Variants in AFF3 observed in about 807,000 individuals in gnomAD.
AFF3 encodes the protein AF4/FMR2 family member 3.
In AFF3, 32 loss-of-function variants were observed where a neutral mutation model predicts 129.7. That is an observed-to-expected ratio of 0.25 (90% confidence interval 0.19 to 0.33). AFF3 has a LOEUF of 0.33. Ranked by LOEUF, AFF3 falls within the 10% of genes least tolerant of loss-of-function variation. The pLI, the probability that AFF3 is intolerant of heterozygous loss-of-function variation, is 1.00. For synonymous variants in AFF3, 644 were observed against 635.4 expected (o/e 1.01, Z -0.20); for missense variants, 1,373 against 1,592.0 (o/e 0.86, Z 2.34).
chr2:99,720,644 T>C (rs1293782890), intron 11 of AFF3, among the ~76,000 whole-genome samples: 1 of 152,248 alleles, frequency 6.6e-6, no homozygotes, highest in Non-Finnish European at 1.5e-5. Context: ...CAGTTACTAA[T>C]ATGACTGGGT....
rs1015585190 is a variant in AFF3, at chr2:99,877,966, C to G, written c.874-40442G>C. ...TGGATGAACACATCAAATCAAATCA[C>G]TCTATTATTACATCACACCCTCAAC... On this transcript the variant is annotated intron_variant, in intron 7 of 24. Transcript: ENST00000672756. Among the ~76,000 whole-genome samples the G allele has an allele frequency of 3.9e-5, 6 of 152,256 alleles. No individual in the cohort carries two copies. The East Asian group carries it at 9.6e-4, about 24-fold the overall frequency.
chr2:99,964,319 T>C (rs771638824), intron 7 of AFF3, among the ~76,000 whole-genome samples: 1 of 152,190 alleles, frequency 6.6e-6, no homozygotes, highest in African/African-American at 2.4e-5. Context: ...CAAGTGTTCA[T>C]GGAACGAATG....
chr2:100,052,630 C>T (rs1686435356), intron 4 of AFF3, among the ~76,000 whole-genome samples: 1 of 152,162 alleles, frequency 6.6e-6, no homozygotes, highest in East Asian at 1.9e-4. Flanking sequence ...GGAACTGCTC[C>T]ACAGGAACCC....
chr2:100,051,406 T>C (rs1383263318), intron 4 of AFF3, among the ~76,000 whole-genome samples: 1 of 152,230 alleles, frequency 6.6e-6, no homozygotes, highest in Non-Finnish European at 1.5e-5. Flanking sequence ...GCTCAGCAGC[T>C]TTCAACTCAG....
chr2:99,577,119 A>T (rs528153482), intron 18 of AFF3, among the ~76,000 whole-genome samples: 1 of 152,346 alleles, frequency 6.6e-6, no homozygotes, highest in Admixed American at 6.5e-5. Context: ...TTAACAAAAC[A>T]AACAACAAAT....
At chr2:100,000,523 C>A (rs931133913) in intron 7 of AFF3, among the ~76,000 whole-genome samples, 1 of 152,018 alleles carries the variant, frequency 6.6e-6, no homozygotes, top group Non-Finnish European at 1.5e-5. Flanking sequence ...CACACACACA[C>A]ACACACACAT....
At chr2:99,737,897 T>G (rs979743108) in intron 10 of AFF3, among the ~76,000 whole-genome samples, 8 of 152,064 alleles carry the variant, frequency 5.3e-5, no homozygotes, top group Admixed American at 3.9e-4. Flanking sequence ...TCCAATTCAT[T>G]AATTCTTTCT....
At chr2:99,681,901 T>C (rs1674559277) in intron 11 of AFF3, among the ~76,000 whole-genome samples, 1 of 133,890 alleles carries the variant, frequency 7.5e-6, no homozygotes, top group Non-Finnish European at 1.5e-5. Context: ...ACCACTGCCT[T>C]AATTCTATTT....
chr2:99,658,791 T>C (rs1471956324), intron 12 of AFF3, among the ~76,000 whole-genome samples: 9 of 151,882 alleles, frequency 5.9e-5, no homozygotes, highest in Non-Finnish European at 8.8e-5. Context: ...TGGCTGGAGG[T>C]TGAAAGCAAA....
At chr2:100,017,560 A>G (rs1683237029) in intron 4 of AFF3, among the ~76,000 whole-genome samples, 1 of 152,302 alleles carries the variant, frequency 6.6e-6, no homozygotes, top group African/African-American at 2.4e-5. Flanking sequence ...GGGAGTCACA[A>G]AGTCACAAAG....
chr2:99,774,459 T>C (rs1487957681), intron 8 of AFF3, among the ~76,000 whole-genome samples: 2 of 152,148 alleles, frequency 1.3e-5, no homozygotes, highest in South Asian at 2.1e-4. Context: ...TCATCTGATC[T>C]TTGACAAACC....
chr2:99,683,035 C>A (rs1464468745), intron 11 of AFF3, among the ~76,000 whole-genome samples: 1 of 152,136 alleles, frequency 6.6e-6, no homozygotes, highest in Non-Finnish European at 1.5e-5. Context: ...CCTTCCCTGG[C>A]CCTCCTGATG....
At chr2:99,920,248 A>C (rs1179100073) in intron 7 of AFF3, among the ~76,000 whole-genome samples, 1 of 152,090 alleles carries the variant, frequency 6.6e-6, no homozygotes, top group African/African-American at 2.4e-5. Flanking sequence ...AACCAAAGAC[A>C]TTATAAGAAA....
chr2:100,128,799 G>C lies in AFF3; in HGVS notation c.-145+425C>G, dbSNP rs372627699. ...CTGTCAAAAGGTTTCGTTGCCAGAAGTAGTTAAAGAGTTGTTGACTACATG... is the reference window on the plus strand; with the variant it reads ...CTGTCAAAAGGTTTCGTTGCCAGAACTAGTTAAAGAGTTGTTGACTACATG... On this transcript the variant is annotated intron_variant, in intron 2 of 24. Coordinates refer to ENST00000672756, the MANE Select transcript of AFF3 (RefSeq NM_001386135.1). Among the ~76,000 whole-genome samples, 35 of 152,342 alleles carry C rather than the reference G, an allele frequency of 2.3e-4. 2 individuals carry two copies. The South Asian group carries it at 4.4e-3, about 19-fold the overall frequency.
chr2:99,610,175 C>T (rs114694901), intron 13 of AFF3, among the ~76,000 whole-genome samples: 8 of 152,274 alleles, frequency 5.3e-5, no homozygotes, highest in South Asian at 2.1e-4. Flanking sequence ...CACACGGACG[C>T]GCTTGACATA....
intron 2 of AFF3, among the ~76,000 whole-genome samples, chr2:100,107,937 G>A (rs1330675195): frequency 6.6e-6 from 1 of 151,356 alleles, no homozygotes; most frequent in Non-Finnish European, 1.5e-5. Context: ...AACCAAGTGG[G>A]ATTTTTTTTC....
chr2:100,055,474 A>AAAAG (rs1553514576), intron 4 of AFF3, among the ~76,000 whole-genome samples: 6 of 151,430 alleles, frequency 4.0e-5, no homozygotes, highest in South Asian at 2.2e-4. Context: ...AAAAAAAAAA[A>AAAAG]AAAAGAAAAG....
chr2:99,760,626 C>T (rs1005591854), intron 8 of AFF3, among the ~76,000 whole-genome samples: 1 of 152,176 alleles, frequency 6.6e-6, no homozygotes, highest in South Asian at 2.1e-4. Flanking sequence ...CTGTGTTCCC[C>T]ACTTCACCCC....
intron 12 of AFF3, among the ~76,000 whole-genome samples, chr2:99,667,404 T>C (rs957420324): frequency 2.6e-5 from 4 of 152,146 alleles, no homozygotes; most frequent in African/African-American, 7.2e-5. Flanking sequence ...AATACTTATA[T>C]CATAAAAAAG....
Sources: gnomAD v4.1 joint callset for allele counts (sites outside exome capture counted in the v4.1 genomes callset) on GRCh38, gnomAD v4.1.1 for gene constraint, MANE v1.5 for transcripts, NCBI Gene and HGNC (gene_info 2026-07-23, HGNC 2026-07-21) for gene names.